The following RPS6KA5 variants were observed in gnomAD, a reference collection of about 807,000 sequenced individuals.
RPS6KA5 encodes ribosomal protein S6 kinase alpha-5.
RPS6KA5 carries 27 observed loss-of-function variants against 85.5 expected under a neutral mutation model. The ratio of observed to expected loss-of-function variants is 0.32; its 90% CI spans 0.23 to 0.44. The LOEUF is 0.44. RPS6KA5 is among the 20% of genes least tolerant of loss of function. The pLI is 1.00. For synonymous variants in RPS6KA5, 334 were observed against 348.2 expected (o/e 0.96, Z 0.46); for missense variants, 811 against 980.9 (o/e 0.83, Z 2.31).
At chr14:90,943,020 A>G in intron 5 of RPS6KA5, 58 bp downstream of exon 5, 1 of 980,068 alleles carries the variant, frequency 1.0e-6, no homozygotes, top group Non-Finnish European at 1.6e-6. Flanking sequence ...TTCTACGGCT[A>G]AGTTTTCATC....
intron 1 of RPS6KA5, among the ~76,000 whole-genome samples, chr14:91,046,548 C>T (rs1009438439): frequency 2.0e-5 from 3 of 152,174 alleles, no homozygotes; most frequent in African/African-American, 4.8e-5. Flanking sequence ...ATCCTTATTA[C>T]ACATCTTAAA....
chr14:90,850,422 A>T lies in RPS6KA5; in HGVS notation c.*21652T>A, dbSNP rs1176132458. 1 of 150,952 alleles carries T rather than the reference A, an allele frequency of 6.6e-6. No individual in the cohort carries two copies. Among genetic ancestry groups the T allele is most frequent in the Non-Finnish European group, 1.5e-5 (1 of 67,902 alleles). The allele number at this position is 150,952 out of a possible 1,614,324, so 9.4% of individuals were successfully genotyped here. ...AGAAGAAAGTATTTTTAATCTATTA[A>T]GAAAATGAAGAAAACAACCTAATCA... is the stretch of plus-strand genomic sequence containing the variant. On this transcript the variant is annotated 3_prime_UTR_variant, in exon 17 of 17. Transcript: ENST00000614987.
intron 2 of RPS6KA5, among the ~76,000 whole-genome samples, chr14:90,993,325 A>G (rs547443463): frequency 1.1e-4 from 17 of 152,198 alleles, no homozygotes; most frequent in Non-Finnish European, 2.5e-4. Flanking sequence ...CTGTAGTCCC[A>G]GCTACTCAGG....
rs534048620 is a variant in RPS6KA5, at chr14:90,906,232, G to A, written c.874C>T (p.Arg292Cys). Reference sequence around the variant, plus strand: ...TTCTTGGGATCTTTCATCAAAAGACGCTGAATTAGGTCTTTCGCTAAAGCA... The same window carrying A: ...TTCTTGGGATCTTTCATCAAAAGACACTGAATTAGGTCTTTCGCTAAAGCA... Reference protein sequence around the residue: ...MSALAKDLIQRLLMKDPKKRL... With the variant: ...MSALAKDLIQCLLMKDPKKRL... The change falls in exon 8 of 17, where the codon CGT becomes TGT. Residue 292 changes from arginine to cysteine, a missense_variant. Physicochemically the swap from Arg to Cys is radical, Grantham distance 180. Transcript: ENST00000614987. The A allele has an allele frequency of 3.3e-5, 54 of 1,612,240 alleles. No individual in the cohort carries two copies. The highest frequency in any genetic ancestry group is 6.7e-5 in the Admixed American group (4 of 59,968).
chr14:90,991,058 C>T (rs965077818), intron 2 of RPS6KA5, among the ~76,000 whole-genome samples: 4 of 151,878 alleles, frequency 2.6e-5, no homozygotes. Flanking sequence ...AGAAAGTAGG[C>T]AGAATATCAG....
At chr14:90,993,404 C>G (rs1049890339) in intron 2 of RPS6KA5, among the ~76,000 whole-genome samples, 1 of 152,162 alleles carries the variant, frequency 6.6e-6, no homozygotes, top group African/African-American at 2.4e-5. Flanking sequence ...CGTGCCACTG[C>G]ACTCCAGCCT....
chr14:90,998,650 G>C (rs34876948), intron 2 of RPS6KA5, among the ~76,000 whole-genome samples: 4 of 151,998 alleles, frequency 2.6e-5, no homozygotes, highest in Admixed American at 2.6e-4. Flanking sequence ...TAGGAATACA[G>C]TGGGGTAGAG....
chr14:90,885,442 A>C (rs1300544488), intron 14 of RPS6KA5, among the ~76,000 whole-genome samples: 1 of 147,982 alleles, frequency 6.8e-6, no homozygotes, highest in East Asian at 2.0e-4. Flanking sequence ...AGTCCCAGCT[A>C]CTTGGGAGGC....
At chr14:91,015,683 C>T (rs2041459195) in intron 1 of RPS6KA5, among the ~76,000 whole-genome samples, 1 of 152,178 alleles carries the variant, frequency 6.6e-6, no homozygotes. Context: ...CTACATGCTG[C>T]TAACAGTGCC....
intron 7 of RPS6KA5, among the ~76,000 whole-genome samples, chr14:90,912,997 G>A (rs1281541506): frequency 8.1e-6 from 1 of 124,200 alleles, no homozygotes. Flanking sequence ...TGCAACCTCC[G>A]CCTCCTGAGT....
At chr14:90,972,961 C>T (rs960731130) in intron 3 of RPS6KA5, among the ~76,000 whole-genome samples, 5 of 152,130 alleles carry the variant, frequency 3.3e-5, no homozygotes, top group Admixed American at 6.5e-5. Flanking sequence ...AAAAGATGTT[C>T]GGCCTCATTC....
chr14:90,995,863 T>C (rs2040494625), intron 2 of RPS6KA5, among the ~76,000 whole-genome samples: 1 of 152,132 alleles, frequency 6.6e-6, no homozygotes. Context: ...GAGGATTACT[T>C]GGGCCCAGGA....
chr14:90,938,262 G>A (rs2037382473), intron 5 of RPS6KA5, among the ~76,000 whole-genome samples: 1 of 152,352 alleles, frequency 6.6e-6, no homozygotes, highest in South Asian at 2.1e-4. Context: ...GATGCAAGAG[G>A]TAGGCTCCCA....
In RPS6KA5 at chr14:90,857,876, G is replaced by C. The variant is rs1027260919; in HGVS notation, c.*14198C>G. The C allele has an allele frequency of 6.6e-6, 1 of 152,142 alleles. No individual in the cohort carries two copies. Among genetic ancestry groups the C allele is most frequent in the African/African-American group, 2.4e-5 (1 of 41,410 alleles). The allele number at this position is 152,142 out of a possible 1,614,324, so 9.4% of individuals were successfully genotyped here. On this transcript the variant is annotated 3_prime_UTR_variant, in exon 17 of 17. Transcript: ENST00000614987. Reference sequence around the variant, plus strand: ...AATATTGTTATATTGCTTGTGTCTAGAGTAATACCTGGCCTGAAAGAAGTG... The same window carrying C: ...AATATTGTTATATTGCTTGTGTCTACAGTAATACCTGGCCTGAAAGAAGTG...
Position 90,943,170 on chromosome 14 carries a change from G to A in RPS6KA5, c.526C>T (p.Arg176Cys), listed in dbSNP as rs1268012505. 9 of 1,591,466 alleles carry A rather than the reference G, an allele frequency of 5.7e-6. No individual in the cohort carries two copies. Among genetic ancestry groups the A allele is most frequent in the East Asian group, 2.2e-5 (1 of 44,676 alleles). The change falls in exon 5 of 17, where the codon CGT becomes TGT. Residue 176 changes from arginine (R) to cysteine (C), a missense_variant. Arg to Cys is a radical substitution (Grantham distance 180, BLOSUM62 -3). Around this residue, in one of 3 missense-constraint regions of RPS6KA5, gnomAD observed 650 missense variants for 793.4 expected, o/e 0.82. Coordinates refer to ENST00000614987, the MANE Select transcript of RPS6KA5 (RefSeq NM_004755.4). ...AGAATATTCTCAAGCTTAATATCAC[G>A]ATATATAATCCCCAACTGCAAAAAC... ...EHLHKLGIIY[R>C]DIKLENILLD...
chr14:90,902,816 G>C lies in RPS6KA5; in HGVS notation c.1111C>G (p.Leu371Val). Residue 371 changes from leucine (L) to valine (V), a missense_variant, in exon 9 of 17, where the codon CTG becomes GTG. By Grantham distance (32) the Leu-to-Val change is conservative. This residue lies in a region of RPS6KA5 where 650 missense variants were observed against 793.4 expected (regional missense o/e 0.82). Transcript: ENST00000614987. ...PAALPQSSEK[L>V]FQGYSFVAPS... ...ACAGGATGGGAAATTACCTGAAACA[G>C]CTTCTCAGAACTCTGGGGCAGGGCT... The C allele has an allele frequency of 6.2e-7, 1 of 1,613,614 alleles. No homozygotes were observed. Among genetic ancestry groups the C allele is most frequent in the Non-Finnish European group, 8.5e-7 (1 of 1,179,766 alleles).
chr14:90,954,488 C>T (rs1363171980), intron 3 of RPS6KA5, among the ~76,000 whole-genome samples: 2 of 152,098 alleles, frequency 1.3e-5, no homozygotes, highest in Non-Finnish European at 2.9e-5. Context: ...ATCTCAGCTC[C>T]CTGAAACCTC....
intron 3 of RPS6KA5, among the ~76,000 whole-genome samples, chr14:90,955,613 AT>A (rs1170455284): frequency 7.1e-6 from 1 of 141,342 alleles, no homozygotes; most frequent in Non-Finnish European, 1.5e-5. Flanking sequence ...AGGAAACATA[AT>A]TTTTATGATT....
chr14:90,898,565 T>C (rs12435271), intron 12 of RPS6KA5, among the ~76,000 whole-genome samples: 5,609 of 152,302 alleles, frequency 0.037, 140 homozygotes, highest in Non-Finnish European at 0.053. Flanking sequence ...TTTATGAACA[T>C]TCAAAATCTC....
Sources: gnomAD v4.1 joint callset for allele counts (sites outside exome capture counted in the v4.1 genomes callset) on GRCh38, gnomAD v4.1.1 for gene constraint, gnomAD v4.1.1 regional missense constraint, MANE v1.5 for transcripts, NCBI Gene and HGNC (gene_info 2026-07-23, HGNC 2026-07-21) for gene names.